The following EEPD1 variants were observed in gnomAD, a reference collection of about 807,000 sequenced individuals.
EEPD1 encodes the protein endonuclease/exonuclease/phosphatase family domain containing 1, also known as endonuclease/exonuclease/phosphatase family domain-containing protein 1.
A neutral mutation model predicts 46.3 loss-of-function variants in EEPD1; 17 were observed. That is an observed-to-expected ratio of 0.37 (90% CI 0.25 to 0.55). EEPD1 has a LOEUF of 0.55. Among genes scored for constraint, EEPD1 ranks in the 20% least tolerant of loss-of-function variants. The pLI is 0.83. For missense variants in EEPD1, 673 were observed against 745.6 expected (o/e 0.90, Z 1.13); for synonymous variants, 313 against 315.6 (o/e 0.99, Z 0.09).
chr7:36,268,151 T>G (rs1417814038), intron 3 of EEPD1, among the ~76,000 whole-genome samples: 4 of 151,934 alleles, frequency 2.6e-5, no homozygotes, highest in African/African-American at 9.7e-5. Flanking sequence ...TTGTTAAGTG[T>G]TTTGTTGTTG....
chr7:36,292,782 C>T (rs1358518283), intron 6 of EEPD1, among the ~76,000 whole-genome samples: 5 of 152,160 alleles, frequency 3.3e-5, no homozygotes, highest in Non-Finnish European at 7.4e-5. Flanking sequence ...GCTGGGATTA[C>T]AGGTGTGAGC....
chr7:36,284,134 G>T (rs1010711072), intron 4 of EEPD1, among the ~76,000 whole-genome samples: 1 of 152,154 alleles, frequency 6.6e-6, no homozygotes, highest in Non-Finnish European at 1.5e-5. Context: ...GAGGGCCCTC[G>T]AGCAGCCCCA....
At chr7:36,262,588 T>A (rs1472376297) in intron 3 of EEPD1, among the ~76,000 whole-genome samples, 1 of 152,214 alleles carries the variant, frequency 6.6e-6, no homozygotes, top group Non-Finnish European at 1.5e-5. Flanking sequence ...CTGATTCTTC[T>A]CTTGGAGTGG....
chr7:36,179,849 C>T (rs1176032811), intron 2 of EEPD1, among the ~76,000 whole-genome samples: 4 of 152,168 alleles, frequency 2.6e-5, no homozygotes, highest in South Asian at 4.1e-4. Flanking sequence ...CCCTTCGGCT[C>T]GGCCTCCTCA....
At chr7:36,242,664 T>C (rs1786572687) in intron 3 of EEPD1, among the ~76,000 whole-genome samples, 1 of 151,792 alleles carries the variant, frequency 6.6e-6, no homozygotes, top group African/African-American at 2.4e-5. Flanking sequence ...GGCTTACACC[T>C]GTAATCTCAG....
At chr7:36,196,674 G>C (rs567749252) in intron 2 of EEPD1, among the ~76,000 whole-genome samples, 4 of 152,326 alleles carry the variant, frequency 2.6e-5, no homozygotes, top group South Asian at 4.1e-4. Context: ...TCGGCCTCCC[G>C]AAGTGCCGGG....
At position 36,235,146 on chromosome 7, in the gene EEPD1, A is replaced by G. The variant is rs1192235833; in HGVS notation, c.879-3839A>G. On this transcript the variant is annotated intron_variant, in intron 2 of 7. Coordinates refer to ENST00000242108, the MANE Select transcript of EEPD1 (RefSeq NM_030636.3). Reference sequence around the variant, plus strand: ...AGCCCAGGCCTCCCCTACAGCCTCCAGCCCAGGCCTCCCCTACAGCCTCCA... The same window carrying G: ...AGCCCAGGCCTCCCCTACAGCCTCCGGCCCAGGCCTCCCCTACAGCCTCCA... Among the ~76,000 whole-genome samples the G allele has an allele frequency of 5.6e-5, 8 of 141,602 alleles. No individual in the cohort carries two copies. In the East Asian group the frequency reaches 1.7e-3, roughly 30 times the overall value. The allele number at this position is 141,602 out of a possible 152,430, so 92.9% of individuals were successfully genotyped here.
At chr7:36,197,366 G>A (rs1785623226) in intron 2 of EEPD1, among the ~76,000 whole-genome samples, 2 of 150,092 alleles carry the variant, frequency 1.3e-5, no homozygotes. Flanking sequence ...GCCCCTACTG[G>A]GAAGTGAGGA....
At chr7:36,169,972 C>T (rs1201709833) in intron 2 of EEPD1, among the ~76,000 whole-genome samples, 1 of 152,182 alleles carries the variant, frequency 6.6e-6, no homozygotes, top group Non-Finnish European at 1.5e-5. Flanking sequence ...CAAAATAACT[C>T]CAATGAGAGG....
At chr7:36,268,763 C>A (rs992146673) in intron 3 of EEPD1, among the ~76,000 whole-genome samples, 3 of 152,180 alleles carry the variant, frequency 2.0e-5, no homozygotes, top group Non-Finnish European at 4.4e-5. Context: ...CAGAGACTTG[C>A]TGGGTGCCAG....
rs1437523636 is a variant in EEPD1 at position 36,155,173 on chromosome 7, G to A, written c.849G>A (p.Glu283=). 6.6e-7 allele frequency: 1 copy of A among 1,519,552 alleles called. No individual in the cohort carries two copies. The highest frequency in any genetic ancestry group is 2.2e-5 in the Admixed American group (1 of 44,776). 94.1% of individuals were successfully genotyped at this position (1,519,552 alleles called of 1,614,324 possible). A position where few individuals can be genotyped will look rare whatever the true frequency, so the allele number is the denominator to read the frequency against. ...VEKANNPGVR[E]VVCMTLLENS... is the part of the protein sequence containing the mutation. ...AGGCCAACAACCCCGGGGTGCGAGA[G>A]GTGGTGTGCATGACACTCCTGGAAA... Residue 283 remains glutamate, a synonymous_variant, in exon 2 of 8, where the codon GAG becomes GAA. Coordinates refer to ENST00000242108, the MANE Select transcript of EEPD1 (RefSeq NM_030636.3).
At chr7:36,296,970 C>A (rs1405184709) in intron 6 of EEPD1, 23 bp from the exon 7 acceptor site, 4 of 1,612,174 alleles carry the variant, frequency 2.5e-6, no homozygotes, top group Non-Finnish European at 3.4e-6. Flanking sequence ...CTCTTAAACT[C>A]ATTTTCTTCC....
In EEPD1 at chr7:36,225,302, A is replaced by AAAG. The variant is rs370612506; in HGVS notation, c.879-13677_879-13675dup. 7.4e-3 allele frequency among the ~76,000 whole-genome samples: 1,133 copies of AAAG among 152,326 alleles called. 7 individuals are homozygous for AAAG. The highest frequency in any genetic ancestry group is 0.026 in the African/African-American group (1,062 of 41,560). The stretch of plus-strand genomic sequence containing the variant: ...GAGAAAGATTCTGGAAAATATGAGA[A>AAAG]AAGAAGAACAAGAGACAGGGTTATA... On this transcript the variant is annotated intron_variant, in intron 2 of 7. Coordinates refer to ENST00000242108, the MANE Select transcript of EEPD1 (RefSeq NM_030636.3). This position sits in a 1 kb window ranked among gnomAD's most constrained non-coding sequence, Gnocchi z 4.2.
At chr7:36,266,628 G>A (rs34720943) in intron 3 of EEPD1, among the ~76,000 whole-genome samples, 82,053 of 151,982 alleles carry the variant, frequency 0.54, 22,416 homozygotes, top group South Asian at 0.59. Context: ...ACAATTCAGC[G>A]GCATTTAGGA....
rs948113281 is a variant in EEPD1 at position 36,253,212 on chromosome 7, A to G, written c.930+14176A>G. Among the ~76,000 whole-genome samples, 4 of 152,250 alleles carry G rather than the reference A, an allele frequency of 2.6e-5. No individual in the cohort carries two copies. In the East Asian group the frequency reaches 5.8e-4, roughly 22 times the overall value. On this transcript the variant is annotated intron_variant, in intron 3 of 7. Transcript: ENST00000242108. ...TGATTTCTCCCTTGACCCGTTGGTTATTTACAAGTGTATTATTTAATTTCC... is the reference window on the plus strand; with the variant it reads ...TGATTTCTCCCTTGACCCGTTGGTTGTTTACAAGTGTATTATTTAATTTCC...
rs150426907 is a variant in EEPD1, at chr7:36,228,056, GC to G, written c.879-10928del. 8.3e-3 allele frequency among the ~76,000 whole-genome samples: 1,268 copies of G among 152,240 alleles called. 9 individuals are homozygous for G. Among genetic ancestry groups the G allele is most frequent in the African/African-American group, 0.029 (1,210 of 41,548 alleles). On this transcript the variant is annotated intron_variant, in intron 2 of 7. Transcript: ENST00000242108. The stretch of plus-strand genomic sequence containing the variant: ...GCCCAGGAGTTGGAGACCACCCTGG[GC>G]AACACAGTGAGACCCCCATCTCTAT...
At chr7:36,153,842 A>T (rs903475221) in intron 1 of EEPD1, among the ~76,000 whole-genome samples, 168 bp downstream of exon 1, 1 of 152,168 alleles carries the variant, frequency 6.6e-6, no homozygotes, top group Non-Finnish European at 1.5e-5. Flanking sequence ...AGTGTGGGTG[A>T]CCCAAGTGTC....
chr7:36,267,776 A>G (rs1273701190), intron 3 of EEPD1, among the ~76,000 whole-genome samples: 1 of 151,950 alleles, frequency 6.6e-6, no homozygotes, highest in East Asian at 1.9e-4. Flanking sequence ...CCACCCACCA[A>G]CTTGTTATGT....
intron 3 of EEPD1, among the ~76,000 whole-genome samples, chr7:36,269,020 A>G (rs575964829): frequency 3.8e-4 from 58 of 152,340 alleles, no homozygotes; most frequent in Middle Eastern, 3.4e-3. Context: ...TTCTCATAGA[A>G]GAGAAATCTG....
Sources: gnomAD v4.1 joint callset for allele counts (sites outside exome capture counted in the v4.1 genomes callset) on GRCh38, gnomAD v4.1.1 for gene constraint, Gnocchi (gnomAD v3.1) non-coding constraint, MANE v1.5 for transcripts, NCBI Gene and HGNC (gene_info 2026-07-23, HGNC 2026-07-21) for gene names.